UBE2E3: variants seen among roughly 807,000 people sequenced by gnomAD.
The protein encoded by UBE2E3 is ubiquitin-conjugating enzyme E2 E3.
In UBE2E3, 5 loss-of-function variants were observed where a neutral mutation model predicts 23.6. The observed-to-expected ratio is 0.21, with a 90% CI of 0.11 to 0.44. UBE2E3 has a LOEUF of 0.44. Among genes scored for constraint, UBE2E3 ranks in the 20% least tolerant of loss-of-function variants. The pLI is 0.99. For missense variants in UBE2E3, 81 were observed against 249.8 expected, an observed-to-expected ratio of 0.32 and a Z score of 4.55; for synonymous variants, 78 against 87.5, an observed-to-expected ratio of 0.89 and a Z score of 0.60.
chr2:181,052,198 A>G (rs1388489153), intron 3 of UBE2E3, among the ~76,000 whole-genome samples: 3 of 151,888 alleles, frequency 2.0e-5, no homozygotes, highest in Non-Finnish European at 4.4e-5. Context: ...TACAATCATT[A>G]AGGTGTAACT....
At chr2:181,042,009 G>A (rs767623298) in intron 3 of UBE2E3, among the ~76,000 whole-genome samples, 4 of 152,182 alleles carry the variant, frequency 2.6e-5, no homozygotes, top group Non-Finnish European at 4.4e-5. Context: ...TAATTGTGGA[G>A]CCTTCTGCAT....
At chr2:180,980,586 T>C (rs1559108054), upstream of UBE2E3, 1 of 142,300 alleles carries the variant, frequency 7.0e-6, no homozygotes, top group Non-Finnish European at 1.5e-5. This position sits in a 1 kb window ranked among gnomAD's most constrained non-coding sequence, Gnocchi z 5.5. Flanking sequence ...CGCCCGCCCC[T>C]CCCCCCCGCG....
chr2:181,003,072 C>G (rs1439249073), intron 3 of UBE2E3, among the ~76,000 whole-genome samples: 1 of 152,220 alleles, frequency 6.6e-6, no homozygotes, highest in Non-Finnish European at 1.5e-5. Flanking sequence ...TTGAGAGAGT[C>G]TCTCTGTTCC....
intron 3 of UBE2E3, among the ~76,000 whole-genome samples, chr2:181,002,558 A>T (rs1685020755): frequency 6.6e-6 from 1 of 152,228 alleles, no homozygotes; most frequent in Admixed American, 6.5e-5. Context: ...TGTAATTTTC[A>T]GTTTTCTAGT....
chr2:181,061,987 A>T (rs1406445521), intron 5 of UBE2E3, among the ~76,000 whole-genome samples: 1 of 151,666 alleles, frequency 6.6e-6, no homozygotes, highest in Non-Finnish European at 1.5e-5. Context: ...CTCTATATGA[A>T]CTAATAGGGA....
chr2:180,993,381 T>C (rs964889107), intron 3 of UBE2E3, among the ~76,000 whole-genome samples: 1 of 152,216 alleles, frequency 6.6e-6, no homozygotes, highest in Admixed American at 6.5e-5. Context: ...TCCAAAGTTT[T>C]TTTGCTGCTT....
At chr2:181,058,073 G>C (rs934351143) in intron 4 of UBE2E3, among the ~76,000 whole-genome samples, 2 of 151,598 alleles carry the variant, frequency 1.3e-5, no homozygotes, top group African/African-American at 2.4e-5. Flanking sequence ...CAATAAAGCA[G>C]ATAAATTTTA....
intron 3 of UBE2E3, among the ~76,000 whole-genome samples, chr2:181,019,412 A>G (rs1232648996): frequency 6.6e-6 from 1 of 152,220 alleles, no homozygotes; most frequent in Non-Finnish European, 1.5e-5. Flanking sequence ...TTCTACCTGT[A>G]ATATAAACTT....
chr2:181,060,617 G>T, intron 4 of UBE2E3, 48 bp from the exon 5 acceptor site: 2 of 1,507,696 alleles, frequency 1.3e-6, no homozygotes, highest in Non-Finnish European at 8.9e-7. Context: ...GTTTTAATTG[G>T]TAATACAGCA....
chr2:181,051,101 C>T (rs987941910), intron 3 of UBE2E3, among the ~76,000 whole-genome samples: 1 of 151,818 alleles, frequency 6.6e-6, no homozygotes, highest in Non-Finnish European at 1.5e-5. Context: ...ATGATTTCTG[C>T]ATGTTTTCAT....
intron 3 of UBE2E3, among the ~76,000 whole-genome samples, chr2:181,002,331 C>T (rs1027142710): frequency 6.6e-6 from 1 of 151,964 alleles, no homozygotes; most frequent in African/African-American, 2.4e-5. Flanking sequence ...TTGCTCACTG[C>T]GTTAGGTAAG....
intron 3 of UBE2E3, among the ~76,000 whole-genome samples, chr2:180,988,800 TAGAC>T (rs1228713072): frequency 6.6e-6 from 1 of 152,176 alleles, no homozygotes. Flanking sequence ...CACATGTAGA[TAGAC>T]TGCTTTTTCT....
At chr2:181,057,573 A>G (rs2105480157) in intron 3 of UBE2E3, 120 bp from the exon 4 acceptor site, 3 of 774,390 alleles carry the variant, frequency 3.9e-6, no homozygotes, top group African/African-American at 3.5e-5. Context: ...TTTCTTTTAT[A>G]CTTATTTTAC....
intron 3 of UBE2E3, among the ~76,000 whole-genome samples, chr2:180,993,625 C>T (rs996014825): frequency 2.6e-5 from 4 of 152,120 alleles, no homozygotes; most frequent in African/African-American, 7.2e-5. Context: ...TTTTTATAAA[C>T]ACTGTTTATT....
At chr2:181,061,768 A>G (rs1480321920) in intron 5 of UBE2E3, among the ~76,000 whole-genome samples, 3 of 129,926 alleles carry the variant, frequency 2.3e-5, no homozygotes, top group Admixed American at 8.4e-5. Flanking sequence ...TTGTTTCGTT[A>G]TGTGACCTTT....
At chr2:181,028,666 T>A (rs1004527433) in intron 3 of UBE2E3, among the ~76,000 whole-genome samples, 3 of 152,144 alleles carry the variant, frequency 2.0e-5, no homozygotes. Context: ...ACAATTTTTT[T>A]ATGTTTATCT....
chr2:180,986,479 T>C (rs1416191658), intron 3 of UBE2E3, among the ~76,000 whole-genome samples: 3 of 152,124 alleles, frequency 2.0e-5, no homozygotes, highest in Non-Finnish European at 2.9e-5. Flanking sequence ...TGAATTTGTA[T>C]TGTATTTTTG....
chr2:181,004,048 A>ATG (rs886176848), intron 3 of UBE2E3, among the ~76,000 whole-genome samples: 5 of 152,180 alleles, frequency 3.3e-5, no homozygotes, highest in African/African-American at 1.2e-4. Flanking sequence ...TCAGGTGTGA[A>ATG]TGTGTGTGTG....
chr2:181,056,851 C>T (rs1028777353), intron 3 of UBE2E3, among the ~76,000 whole-genome samples: 2 of 151,708 alleles, frequency 1.3e-5, no homozygotes, highest in African/African-American at 4.8e-5. Context: ...AGCAGTTTGT[C>T]TGGATGATGA....
Sources: allele counts gnomAD v4.1 joint callset (sites outside exome capture counted in the v4.1 genomes callset), GRCh38; gene constraint gnomAD v4.1.1; non-coding constraint Gnocchi (gnomAD v3.1); transcripts MANE v1.5; gene names NCBI Gene and HGNC (gene_info 2026-07-23, HGNC 2026-07-21).